The following KCNH8 variants were observed in gnomAD, a reference collection of about 807,000 sequenced individuals.
KCNH8 encodes potassium voltage-gated channel subfamily H member 8, also known as voltage-gated delayed rectifier potassium channel KCNH8.
Under a neutral mutation model 103.6 loss-of-function variants are expected in KCNH8, and 70 were observed. That is an observed-to-expected ratio of 0.68 (90% CI 0.56 to 0.82). KCNH8 has a LOEUF of 0.82. Among genes scored for constraint, KCNH8 ranks in the 40% least tolerant of loss-of-function variants. KCNH8 has a pLI of 0.00. For missense variants in KCNH8, 1,217 were observed against 1,329.9 expected (o/e 0.92, Z 1.32); for synonymous variants, 498 against 489.4 (o/e 1.02, Z -0.23).
intron 3 of KCNH8, among the ~76,000 whole-genome samples, chr3:19,312,269 C>A (rs2065217701): frequency 6.6e-6 from 1 of 151,866 alleles, no homozygotes; most frequent in African/African-American, 2.4e-5. Flanking sequence ...ATCTTTACCC[C>A]TTCTATTTTT....
At chr3:19,244,065 A>C (rs1403385619) in intron 1 of KCNH8, among the ~76,000 whole-genome samples, 2 of 152,162 alleles carry the variant, frequency 1.3e-5, no homozygotes, top group African/African-American at 4.8e-5. Flanking sequence ...CTTCTAAAAG[A>C]AGTTTTTTAA....
At position 19,451,269 on chromosome 3, in the gene KCNH8, T is replaced by G; in HGVS notation, c.1690T>G (p.Ser564Ala). 6.2e-7 allele frequency: 1 copy of G among 1,614,000 alleles called. No homozygotes were observed. Among genetic ancestry groups the G allele is most frequent in the Admixed American group, 1.7e-5 (1 of 59,994 alleles). ...CAGCCGGGGCTGCCTCAGGTCTCTG[T>G]CTCTACACATCAAAACCTCTTTCTG... is the stretch of plus-strand genomic sequence containing the variant. ...CASRGCLRSL[S>A]LHIKTSFCAP... Residue 564 changes from serine to alanine, a missense_variant, in exon 10 of 16, where the codon TCT becomes GCT. Ser to Ala is a moderately conservative substitution (Grantham distance 99, BLOSUM62 1). Around this residue, in one of 3 missense-constraint regions of KCNH8, gnomAD observed 415 missense variants for 577.4 expected, o/e 0.72. Transcript: ENST00000328405.
At chr3:19,173,850 G>T (rs2063372222) in intron 1 of KCNH8, among the ~76,000 whole-genome samples, 1 of 151,686 alleles carries the variant, frequency 6.6e-6, no homozygotes, top group South Asian at 2.1e-4. Flanking sequence ...TTCTCTTTGT[G>T]TCCCCAGGAC....
intron 1 of KCNH8, among the ~76,000 whole-genome samples, chr3:19,191,169 T>A (rs1021744765): frequency 6.6e-6 from 1 of 151,858 alleles, no homozygotes; most frequent in Non-Finnish European, 1.5e-5. Flanking sequence ...AGTATATGTG[T>A]GTACTTCCAC....
intron 8 of KCNH8, among the ~76,000 whole-genome samples, chr3:19,449,400 A>G (rs978891485): frequency 6.6e-6 from 1 of 151,474 alleles, no homozygotes; most frequent in African/African-American, 2.4e-5. Flanking sequence ...TGTTTCTTGA[A>G]TGGTCTCAAA....
intron 7 of KCNH8, among the ~76,000 whole-genome samples, chr3:19,434,876 T>G (rs2067174870): frequency 6.6e-6 from 1 of 152,110 alleles, no homozygotes; most frequent in Admixed American, 6.5e-5. Flanking sequence ...AAGTGGGAAG[T>G]GCAAACCTAT....
chr3:19,389,370 A>T (rs2066402381), intron 5 of KCNH8, among the ~76,000 whole-genome samples: 1 of 152,126 alleles, frequency 6.6e-6, no homozygotes, highest in African/African-American at 2.4e-5. Flanking sequence ...ACTCAGGAGG[A>T]CCTCATATAT....
chr3:19,492,209 C>A (rs1304582689), intron 11 of KCNH8, among the ~76,000 whole-genome samples: 1 of 152,008 alleles, frequency 6.6e-6, no homozygotes, highest in East Asian at 1.9e-4. Flanking sequence ...TTTGTTTTCA[C>A]TGCAATTGCT....
chr3:19,224,461 A>T (rs1024484769), intron 1 of KCNH8, among the ~76,000 whole-genome samples: 1 of 151,848 alleles, frequency 6.6e-6, no homozygotes, highest in Non-Finnish European at 1.5e-5. Flanking sequence ...ATTTTTAATG[A>T]TTTGAAGTGT....
chr3:19,452,052 T>C (rs910530443), intron 10 of KCNH8, among the ~76,000 whole-genome samples: 62 of 152,152 alleles, frequency 4.1e-4, no homozygotes, highest in African/African-American at 1.3e-3. Flanking sequence ...AGTTAATGTA[T>C]TGAAAATCTT....
chr3:19,483,172 C>T (rs530407815), intron 11 of KCNH8, among the ~76,000 whole-genome samples: 1 of 152,218 alleles, frequency 6.6e-6, no homozygotes, highest in Non-Finnish European at 1.5e-5. Flanking sequence ...ACTACCTGCC[C>T]ACTGGTCAGG....
intron 1 of KCNH8, among the ~76,000 whole-genome samples, chr3:19,176,621 C>G (rs533691856): frequency 7.2e-5 from 11 of 152,186 alleles, no homozygotes; most frequent in African/African-American, 2.4e-4. Flanking sequence ...TTGACCAGAA[C>G]ATACGGATTT....
chr3:19,486,530 T>C (rs773538683), intron 11 of KCNH8, among the ~76,000 whole-genome samples: 1 of 152,236 alleles, frequency 6.6e-6, no homozygotes, highest in Non-Finnish European at 1.5e-5. Flanking sequence ...TTTTGAGAGA[T>C]AGGCCACTGG....
intron 3 of KCNH8, among the ~76,000 whole-genome samples, chr3:19,328,360 T>A (rs963855032): frequency 5.9e-5 from 9 of 152,338 alleles, no homozygotes; most frequent in African/African-American, 2.2e-4. Flanking sequence ...TTTGTAACCT[T>A]GTATTTTAAT....
intron 7 of KCNH8, among the ~76,000 whole-genome samples, chr3:19,432,225 C>A (rs544915331): frequency 6.6e-6 from 1 of 151,990 alleles, no homozygotes; most frequent in Admixed American, 6.6e-5. Flanking sequence ...TGGAAAAAAA[C>A]GTGATTAGAA....
intron 3 of KCNH8, among the ~76,000 whole-genome samples, chr3:19,282,276 A>G (rs1479974472): frequency 2.0e-5 from 3 of 152,146 alleles, no homozygotes; most frequent in Non-Finnish European, 4.4e-5. Flanking sequence ...GTTTTGCTGT[A>G]TATTGGCATG....
chr3:19,494,251 C>G (rs142527391), intron 11 of KCNH8, among the ~76,000 whole-genome samples: 1 of 152,204 alleles, frequency 6.6e-6, no homozygotes, highest in East Asian at 1.9e-4. Flanking sequence ...TATCCCCACA[C>G]AAATCTCGTC....
intron 11 of KCNH8, among the ~76,000 whole-genome samples, chr3:19,463,717 C>A (rs768047423): frequency 1.3e-5 from 2 of 151,962 alleles, no homozygotes; most frequent in African/African-American, 2.4e-5. Context: ...ATATATACAG[C>A]CTATGACCTC....
At chr3:19,377,020 C>T (rs1432010122) in intron 5 of KCNH8, among the ~76,000 whole-genome samples, 2 of 152,074 alleles carry the variant, frequency 1.3e-5, no homozygotes, top group Non-Finnish European at 2.9e-5. Flanking sequence ...GACAGAATGT[C>T]CTTTATTGTG....
Sources: gnomAD v4.1 joint callset for allele counts (sites outside exome capture counted in the v4.1 genomes callset) on GRCh38, gnomAD v4.1.1 for gene constraint, gnomAD v4.1.1 regional missense constraint, MANE v1.5 for transcripts, NCBI Gene and HGNC (gene_info 2026-07-23, HGNC 2026-07-21) for gene names.